Variants in PDE1A observed in about 807,000 individuals in gnomAD.
The protein encoded by PDE1A is dual specificity calcium/calmodulin-dependent 3',5'-cyclic nucleotide phosphodiesterase 1A.
In PDE1A, 35 loss-of-function variants were observed where a neutral mutation model predicts 61.7. That is an observed-to-expected ratio of 0.57 (90% CI 0.43 to 0.75). The LOEUF is 0.75. Among genes scored for constraint, PDE1A ranks in the 30% least tolerant of loss-of-function variants. The probability of loss-of-function intolerance (pLI) is 0.00; values close to 1 mark genes in which losing one functional copy is unlikely to be tolerated. For synonymous variants in PDE1A, 232 were observed against 213.2 expected (o/e 1.09, Z -0.77); for missense variants, 597 against 630.6 (o/e 0.95, Z 0.57).
At chr2:182,414,244 A>G (rs996315745) in intron 1 of PDE1A, among the ~76,000 whole-genome samples, 3 of 152,178 alleles carry the variant, frequency 2.0e-5, no homozygotes, top group Non-Finnish European at 4.4e-5. Flanking sequence ...GATGGAGTAG[A>G]TAAGAGGAAA....
At chr2:182,164,879 T>A (rs570039711), downstream of PDE1A, among the ~76,000 whole-genome samples, 3 of 152,248 alleles carry the variant, frequency 2.0e-5, no homozygotes, top group South Asian at 6.2e-4. Flanking sequence ...AAAACTACCA[T>A]CTGTAAACTT....
the PDE1A span, among the ~76,000 whole-genome samples, chr2:182,627,369 A>C: frequency 1.7e-5 from 2 of 120,774 alleles, no homozygotes; most frequent in Non-Finnish European, 3.2e-5. Context: ...ATATATATTT[A>C]ATATTTATTA....
At chr2:182,370,847 C>A (rs833115) in intron 1 of PDE1A, among the ~76,000 whole-genome samples, 90,609 of 151,974 alleles carry the variant, frequency 0.6, 27,514 homozygotes, top group East Asian at 0.89. Context: ...TCGTTGAATG[C>A]ATTATCATTG....
In PDE1A at chr2:182,256,274, C is replaced by T. The variant is rs1191266056; in HGVS notation, c.167+8027G>A. 3.8e-5 allele frequency among the ~76,000 whole-genome samples: 5 copies of T among 131,654 alleles called. No homozygotes were observed. In the Admixed American group the frequency reaches 3.8e-4, roughly 10 times the overall value. The allele number at this position is 131,654 out of a possible 152,430, so 86.4% of individuals were successfully genotyped here. On this transcript the variant is annotated intron_variant, in intron 2 of 13. Coordinates refer to ENST00000351439, the Ensembl canonical transcript of PDE1A. Reference sequence around the variant, plus strand: ...CCACAGTCCCCAGAGTGTGATATTCCCCTTCCTGTGTCCATGTGATCTCAT... The same window carrying T: ...CCACAGTCCCCAGAGTGTGATATTCTCCTTCCTGTGTCCATGTGATCTCAT...
intron 1 of PDE1A, among the ~76,000 whole-genome samples, chr2:182,327,847 T>TA (rs1697146796): frequency 6.6e-6 from 1 of 152,192 alleles, no homozygotes; most frequent in African/African-American, 2.4e-5. Flanking sequence ...GTAGAAAAGA[T>TA]AAAAACATGT....
At chr2:182,626,816 T>TATATAC in the PDE1A span, among the ~76,000 whole-genome samples, 1 of 23,200 alleles carries the variant, frequency 4.3e-5, no homozygotes, top group African/African-American at 1.3e-4. Context: ...TATATATACA[T>TATATAC]ATATATATAC....
At chr2:182,430,149 T>C (rs957238043), upstream of PDE1A, among the ~76,000 whole-genome samples, 1 of 151,620 alleles carries the variant, frequency 6.6e-6, no homozygotes, top group Non-Finnish European at 1.5e-5. Flanking sequence ...CAAAAGAAAC[T>C]ACCATCAGAG....
At chr2:182,626,737 A>G in the PDE1A span, among the ~76,000 whole-genome samples, 2 of 4,134 alleles carry the variant, frequency 4.8e-4, no homozygotes, top group African/African-American at 6.7e-4. Flanking sequence ...ATATATATAT[A>G]CATATATATA....
At chr2:182,201,855 A>G (rs1439624823) in intron 8 of PDE1A, 66 bp from the exon 9 acceptor site, 16 of 919,524 alleles carry the variant, frequency 1.7e-5, no homozygotes, top group Non-Finnish European at 2.6e-5. Flanking sequence ...GAACACTTCA[A>G]TAAATAATCA....
At chr2:182,521,485 C>T (rs958703298) in intron 2 of PDE1A, among the ~76,000 whole-genome samples, 1 of 151,756 alleles carries the variant, frequency 6.6e-6, no homozygotes, top group African/African-American at 2.4e-5. Flanking sequence ...TAAATTATGA[C>T]AATTAAGATA....
chr2:182,164,856 C>T (rs556613855), downstream of PDE1A, among the ~76,000 whole-genome samples: 1 of 152,142 alleles, frequency 6.6e-6, no homozygotes, highest in African/African-American at 2.4e-5. Context: ...TCCCTGCATA[C>T]AATGCTATTG....
the PDE1A span, among the ~76,000 whole-genome samples, chr2:182,646,392 A>C: frequency 7.9e-5 from 2 of 25,216 alleles, no homozygotes; most frequent in African/African-American, 2.3e-4. Context: ...GTGAAGGTTC[A>C]AAAAAAAAAA....
intron 1 of PDE1A, among the ~76,000 whole-genome samples, chr2:182,272,772 A>T (rs1693126021): frequency 6.6e-6 from 1 of 152,162 alleles, no homozygotes; most frequent in Non-Finnish European, 1.5e-5. Flanking sequence ...TTGACAGATC[A>T]AGCATTTACA....
At chr2:182,539,535 T>C in the PDE1A span, among the ~76,000 whole-genome samples, 1 of 152,228 alleles carries the variant, frequency 6.6e-6, no homozygotes, top group Non-Finnish European at 1.5e-5. Context: ...ATAGTTTCTA[T>C]CCTAACTTAA....
chr2:182,459,898 T>C (rs1430160), intron 2 of PDE1A, among the ~76,000 whole-genome samples: 27,787 of 152,106 alleles, frequency 0.18, 3,067 homozygotes, highest in Middle Eastern at 0.35. Context: ...CTAGCACAAA[T>C]AGGAGCTCAA....
the PDE1A span, among the ~76,000 whole-genome samples, chr2:182,572,054 G>A: frequency 1.3e-5 from 2 of 152,164 alleles, no homozygotes; most frequent in Non-Finnish European, 2.9e-5. Context: ...TAATTCCTGA[G>A]AGGCAGAGAC....
chr2:182,434,420 T>C (rs1216421185), intron 2 of PDE1A, among the ~76,000 whole-genome samples: 1 of 152,112 alleles, frequency 6.6e-6, no homozygotes, highest in Non-Finnish European at 1.5e-5. Flanking sequence ...ACTCATTTCC[T>C]CACAGTTACA....
chr2:182,492,380 TAGA>T (rs1406162302), intron 2 of PDE1A, among the ~76,000 whole-genome samples: 1 of 152,212 alleles, frequency 6.6e-6, no homozygotes, highest in Non-Finnish European at 1.5e-5. Flanking sequence ...CTAAATATGA[TAGA>T]AGCTCAGTAC....
chr2:182,449,490 C>T (rs1012487948), intron 2 of PDE1A, among the ~76,000 whole-genome samples: 15 of 151,918 alleles, frequency 9.9e-5, no homozygotes, highest in Non-Finnish European at 1.5e-5. Flanking sequence ...TTACCTCTTC[C>T]TATACTCCTT....
Sources: allele counts gnomAD v4.1 joint callset (sites outside exome capture counted in the v4.1 genomes callset), GRCh38; gene constraint gnomAD v4.1.1; transcripts MANE v1.5; gene names NCBI Gene and HGNC (gene_info 2026-07-23, HGNC 2026-07-21).